Variants in OSBPL8 observed in about 807,000 individuals in gnomAD.
OSBPL8 encodes oxysterol-binding protein-related protein 8.
Under a neutral mutation model 125.5 loss-of-function variants are expected in OSBPL8, and 59 were observed. The observed-to-expected ratio is 0.47, with a 90% CI of 0.38 to 0.58. OSBPL8 has a LOEUF of 0.58. OSBPL8 is among the 20% of genes least tolerant of loss of function. The probability of loss-of-function intolerance (pLI) is 0.00; values close to 1 mark genes in which losing one functional copy is unlikely to be tolerated. For synonymous variants in OSBPL8, 330 were observed against 338.9 expected (o/e 0.97, Z 0.29); for missense variants, 758 against 1,047.8 (o/e 0.72, Z 3.82).
At chr12:76,366,301 G>A (rs1027039127) in intron 21 of OSBPL8, among the ~76,000 whole-genome samples, 1 of 152,122 alleles carries the variant, frequency 6.6e-6, no homozygotes, top group Non-Finnish European at 1.5e-5. Flanking sequence ...GTCAGTTTAT[G>A]TAATTTGTGA....
chr12:76,474,132 G>A (rs2136937299), intron 2 of OSBPL8, among the ~76,000 whole-genome samples: 1 of 152,304 alleles, frequency 6.6e-6, no homozygotes, highest in Middle Eastern at 3.4e-3. Flanking sequence ...TGTGCTTAAT[G>A]AAGGTAGGTT....
At chr12:76,360,934 G>A (rs564293348) in intron 21 of OSBPL8, among the ~76,000 whole-genome samples, 32 of 152,340 alleles carry the variant, frequency 2.1e-4, no homozygotes, top group African/African-American at 5.5e-4. Flanking sequence ...CTTCCAGGTT[G>A]GTGAAGGGTG....
intron 23 of OSBPL8, 105 bp from the exon 24 acceptor site, chr12:76,356,126 T>G: frequency 1.2e-6 from 1 of 846,974 alleles, no homozygotes; most frequent in East Asian, 3.1e-5. Context: ...ATGTTAATAA[T>G]TTTTAGTTGC....
Position 76,354,333 on chromosome 12 carries a change from A to T in OSBPL8, c.*1556T>A, listed in dbSNP as rs776143055. 5 of 151,908 alleles carry T rather than the reference A, an allele frequency of 3.3e-5. No individual in the cohort carries two copies. The highest frequency in any genetic ancestry group is 7.4e-5 in the Non-Finnish European group (5 of 67,800). 9.4% of individuals were successfully genotyped at this position (151,908 alleles called of 1,614,324 possible). A position where few individuals can be genotyped will look rare whatever the true frequency, so the allele number is the denominator to read the frequency against. On this transcript the variant is annotated 3_prime_UTR_variant, in exon 24 of 24. Coordinates refer to ENST00000261183, the MANE Select transcript of OSBPL8 (RefSeq NM_020841.5). ...AATGGTTCTTCACAGAAACCTAAGGATACTTAAGATAGCTATATTGGTTAG... is the reference window on the plus strand; with the variant it reads ...AATGGTTCTTCACAGAAACCTAAGGTTACTTAAGATAGCTATATTGGTTAG...
intron 1 of OSBPL8, among the ~76,000 whole-genome samples, chr12:76,514,185 C>T (rs555764559): frequency 1.3e-5 from 2 of 152,230 alleles, no homozygotes; most frequent in East Asian, 3.9e-4. Flanking sequence ...CACTGTTTCA[C>T]CCAGGCCGGG....
intron 1 of OSBPL8, among the ~76,000 whole-genome samples, chr12:76,491,430 A>G (rs1294556516): frequency 6.6e-6 from 1 of 152,198 alleles, no homozygotes; most frequent in African/African-American, 2.4e-5. Flanking sequence ...TCTTATTTCT[A>G]CAAGTATAAA....
rs115049328 is a variant in OSBPL8, at chr12:76,379,837, T to C, written c.1631-1287A>G. ...AAGAACATTTACGTACAAGTCTTTATGTAGACATCTATTTTCATTTTTCAT... is the reference window on the plus strand; with the variant it reads ...AAGAACATTTACGTACAAGTCTTTACGTAGACATCTATTTTCATTTTTCAT... On this transcript the variant is annotated intron_variant, in intron 15 of 23. Coordinates refer to ENST00000261183, the MANE Select transcript of OSBPL8 (RefSeq NM_020841.5). 3.0e-3 allele frequency among the ~76,000 whole-genome samples: 456 copies of C among 152,342 alleles called. 2 individuals are homozygous for C. The highest frequency in any genetic ancestry group is 0.011 in the African/African-American group (439 of 41,578).
chr12:76,464,256 C>G (rs1234081595), intron 2 of OSBPL8, among the ~76,000 whole-genome samples: 2 of 152,140 alleles, frequency 1.3e-5, no homozygotes, highest in Non-Finnish European at 2.9e-5. Context: ...CACTGCACTC[C>G]AGCCTGAGCA....
intron 1 of OSBPL8, among the ~76,000 whole-genome samples, chr12:76,517,360 G>T (rs1233722162): frequency 6.6e-6 from 1 of 152,116 alleles, no homozygotes; most frequent in African/African-American, 2.4e-5. Context: ...CTACTGTAAA[G>T]AAATTTTTAA....
chr12:76,506,803 T>C (rs1317485958), intron 1 of OSBPL8, among the ~76,000 whole-genome samples: 1 of 152,106 alleles, frequency 6.6e-6, no homozygotes, highest in Non-Finnish European at 1.5e-5. Context: ...CTTCATCCTT[T>C]AGAGGTCAAA....
At chr12:76,516,001 G>T (rs577457379) in intron 1 of OSBPL8, among the ~76,000 whole-genome samples, 1 of 152,088 alleles carries the variant, frequency 6.6e-6, no homozygotes, top group African/African-American at 2.4e-5. Context: ...AAATATTAGC[G>T]AAATGATAAT....
intron 1 of OSBPL8, among the ~76,000 whole-genome samples, chr12:76,512,652 A>G (rs1881120165): frequency 6.6e-6 from 1 of 152,130 alleles, no homozygotes; most frequent in Non-Finnish European, 1.5e-5. Flanking sequence ...TGCTTAGGAT[A>G]GCTTTGGCTG....
chr12:76,551,941 A>T (rs950113345), intron 1 of OSBPL8, among the ~76,000 whole-genome samples: 1 of 152,204 alleles, frequency 6.6e-6, no homozygotes. Flanking sequence ...TTTGGTACAC[A>T]AATTTCTTTC....
chr12:76,493,150 T>C (rs1393151424), intron 1 of OSBPL8, among the ~76,000 whole-genome samples: 1 of 152,140 alleles, frequency 6.6e-6, no homozygotes, highest in Admixed American at 6.5e-5. Context: ...GTTTTCTCAT[T>C]TGCAAATAGG....
chr12:76,552,067 A>G (rs1444308773), intron 1 of OSBPL8, among the ~76,000 whole-genome samples: 1 of 152,060 alleles, frequency 6.6e-6, no homozygotes, highest in African/African-American at 2.4e-5. Context: ...AAGAAAGAAT[A>G]CCTATTTTTT....
intron 2 of OSBPL8, among the ~76,000 whole-genome samples, chr12:76,473,695 C>T (rs1323094501): frequency 2.6e-5 from 4 of 152,180 alleles, no homozygotes; most frequent in Admixed American, 6.5e-5. Context: ...TTCCCTGCTC[C>T]AAAATCTTCA....
chr12:76,493,593 G>C (rs192075445), intron 1 of OSBPL8, among the ~76,000 whole-genome samples: 13 of 152,254 alleles, frequency 8.5e-5, no homozygotes, highest in Admixed American at 7.8e-4. Context: ...CAAATTCACT[G>C]ATAGGCTAAA....
intron 1 of OSBPL8, among the ~76,000 whole-genome samples, chr12:76,506,816 C>A (rs556196166): frequency 1.3e-5 from 2 of 152,098 alleles, no homozygotes; most frequent in East Asian, 1.9e-4. Flanking sequence ...AGGTCAAAGT[C>A]AAAAACATTT....
intron 4 of OSBPL8, among the ~76,000 whole-genome samples, chr12:76,443,476 G>A (rs1872422015): frequency 6.6e-6 from 1 of 152,056 alleles, no homozygotes; most frequent in Non-Finnish European, 1.5e-5. Context: ...GGAGGAAAGG[G>A]TGAACGCGAG....
Sources: allele counts gnomAD v4.1 joint callset (sites outside exome capture counted in the v4.1 genomes callset), GRCh38; gene constraint gnomAD v4.1.1; transcripts MANE v1.5; gene names NCBI Gene and HGNC (gene_info 2026-07-23, HGNC 2026-07-21).